TSPO2: variants seen among roughly 807,000 people sequenced by gnomAD.
The protein encoded by TSPO2 is benzodiazapine receptor (peripheral)-like 1.
In TSPO2, 15 loss-of-function variants were observed where a neutral mutation model predicts 13.3. That is an observed-to-expected ratio of 1.13 (90% confidence interval 0.75 to 1.73). The LOEUF (loss-of-function observed/expected upper bound fraction) is 1.73. Among genes scored for constraint, TSPO2 ranks in the 40% most tolerant of loss-of-function variants. The pLI is 0.00. For missense variants in TSPO2, 202 were observed against 198.3 expected (o/e 1.02, Z -0.11); for synonymous variants, 81 against 91.6 (o/e 0.88, Z 0.66).
upstream of TSPO2, chr6:41,042,443 G>C (rs1282032702): frequency 3.2e-6 from 1 of 315,506 alleles, no homozygotes; most frequent in Non-Finnish European, 6.3e-6. Context: ...GTGCCAGTCT[G>C]ATATGGTGAG....
At chr6:41,042,232 C>T (rs534126146), upstream of TSPO2, among the ~76,000 whole-genome samples, 20 of 152,282 alleles carry the variant, frequency 1.3e-4, no homozygotes, top group Admixed American at 2.0e-4. Flanking sequence ...GCAGTTGTTT[C>T]CTTGAAAAGT....
At position 41,043,234 on chromosome 6, in the gene TSPO2, C is replaced by G. The variant is rs1762618913; in HGVS notation, c.173+76C>G. The stretch of plus-strand genomic sequence containing the variant: ...AAGTCCTCTATATCTGAATTACTCC[C>G]ATATATTGGCCTCCAAAGGTAGGCG... On this transcript the variant is annotated intron_variant, in intron 2 of 3. Transcript: ENST00000373161. The G allele has an allele frequency of 2.7e-6, 4 of 1,503,082 alleles. No individual in the cohort carries two copies. In the South Asian group the frequency reaches 5.3e-5, roughly 20 times the overall value. 93.1% of individuals were successfully genotyped at this position (1,503,082 alleles called of 1,614,324 possible).
At chr6:41,041,570 C>T (rs1042358995), upstream of TSPO2, among the ~76,000 whole-genome samples, 2 of 151,990 alleles carry the variant, frequency 1.3e-5, no homozygotes, top group African/African-American at 4.8e-5. Context: ...AGAAGATGAG[C>T]AAACGGACAG....
upstream of TSPO2, among the ~76,000 whole-genome samples, chr6:41,042,271 C>T (rs368093721): frequency 7.6e-4 from 115 of 152,298 alleles, 5 homozygotes; most frequent in South Asian, 0.022. Context: ...GATGCTTGTG[C>T]TTACATCCTG....
upstream of TSPO2, among the ~76,000 whole-genome samples, chr6:41,041,492 G>A (rs554853396): frequency 1.7e-3 from 260 of 152,326 alleles, 2 homozygotes; most frequent in African/African-American, 5.5e-3. Context: ...GAGAAAAGAG[G>A]ATGGGGGCAG....
upstream of TSPO2, among the ~76,000 whole-genome samples, chr6:41,042,086 T>C (rs1762596113): frequency 6.6e-6 from 1 of 152,136 alleles, no homozygotes; most frequent in South Asian, 2.1e-4. Flanking sequence ...GGCTGAAATA[T>C]CATGAACAAA....
chr6:41,041,532 G>A (rs985386985), upstream of TSPO2, among the ~76,000 whole-genome samples: 1 of 152,172 alleles, frequency 6.6e-6, no homozygotes, highest in Non-Finnish European at 1.5e-5. Flanking sequence ...CTCCACCACT[G>A]GACAGAAATG....
chr6:41,043,848 C>CAG, intron 3 of TSPO2, 92 bp from the exon 4 acceptor site: 1 of 1,541,234 alleles, frequency 6.5e-7, no homozygotes, highest in Admixed American at 1.8e-5. Flanking sequence ...CACAGAGCCC[C>CAG]AGGGACTGAG....
In TSPO2 at chr6:41,042,607, C is replaced by A. The variant is rs778197233; in HGVS notation, c.-192C>A. 4.5e-6 allele frequency: 2 copies of A among 446,460 alleles called. No individual in the cohort carries two copies. Among genetic ancestry groups the A allele is most frequent in the Non-Finnish European group, 4.4e-6 (1 of 224,856 alleles). The allele number at this position is 446,460 out of a possible 1,614,324, so 27.7% of individuals were successfully genotyped here. The stretch of plus-strand genomic sequence containing the variant: ...AGGGCCAGCTACATACCTGGCTAAG[C>A]GCTGCCCACTGCAGAAAAGCTCATC... On this transcript the variant is annotated 5_prime_UTR_variant, in exon 1 of 4. Transcript: ENST00000373161.
In TSPO2 at chr6:41,044,169, AGGGT is replaced by A; in HGVS notation, c.*36_*39del. ...AGGGCATGGGAGAGGAGGGACGCCC[AGGGT>A]GGGGAGGAAGAGTCTGCAAGCAGGG... On this transcript the variant is annotated 3_prime_UTR_variant, in exon 4 of 4. Coordinates refer to ENST00000373161, the MANE Select transcript of TSPO2 (RefSeq NM_001010873.3). 2 of 1,610,698 alleles carry A rather than the reference AGGGT, an allele frequency of 1.2e-6. No homozygotes were observed. Among genetic ancestry groups the A allele is most frequent in the Non-Finnish European group, 1.7e-6 (2 of 1,177,454 alleles).
intron 2 of TSPO2, 72 bp from the exon 3 acceptor site, chr6:41,043,485 A>G: frequency 5.3e-6 from 8 of 1,516,828 alleles, no homozygotes; most frequent in Non-Finnish European, 7.1e-6. Flanking sequence ...AAGAGTCCTT[A>G]TGCCAGAGAG....
upstream of TSPO2, among the ~76,000 whole-genome samples, chr6:41,041,785 G>C (rs1762592255): frequency 6.6e-6 from 1 of 152,212 alleles, no homozygotes; most frequent in Non-Finnish European, 1.5e-5. Context: ...AGACCAGCCT[G>C]ACCAACATGG....
chr6:41,043,104 G>C lies in TSPO2; in HGVS notation c.119G>C (p.Cys40Ser). 1.2e-6 allele frequency: 2 copies of C among 1,614,134 alleles called. No homozygotes were observed. Among genetic ancestry groups the C allele is most frequent in the Non-Finnish European group, 1.7e-6 (2 of 1,180,012 alleles). Residue 40 changes from cysteine to serine, a missense_variant, in exon 2 of 4, where the codon TGC becomes TCC. Coordinates refer to ENST00000373161, the MANE Select transcript of TSPO2 (RefSeq NM_001010873.3). ...WCEGPRMLSW[C>S]PFYKVLLLVQ... is the part of the protein sequence containing the mutation. ...GAGGGCCCGAGGATGCTGTCCTGGT[G>C]CCCATTCTACAAAGTCTTATTGCTT...
rs140291735 is a variant in TSPO2, at chr6:41,042,997, A to T, written c.12A>T (p.Gln4His). ...CCTCTTCAAGGTGAATGCGGCTTCA[A>T]GGGGCTATCTTTGTGCTCCTGCCCC... MRL[Q>H]GAIFVLLPHL... The change falls in exon 2 of 4, where the codon CAA (glutamine) becomes CAT (histidine). Residue 4 changes from glutamine (Q) to histidine (H), a missense_variant. Gln to His is a conservative substitution (Grantham distance 24). Transcript: ENST00000373161. 1,139 of 1,613,876 alleles carry T rather than the reference A, an allele frequency of 7.1e-4. 1 individual carries two copies. The highest frequency in any genetic ancestry group is 8.7e-4 in the Non-Finnish European group (1,022 of 1,179,864).
In TSPO2 at chr6:41,044,167, C is replaced by A; in HGVS notation, c.*30C>A. 6.2e-7 allele frequency: 1 copy of A among 1,612,008 alleles called. No homozygotes were observed. The highest frequency in any genetic ancestry group is 1.1e-5 in the South Asian group (1 of 90,806). On this transcript the variant is annotated 3_prime_UTR_variant, in exon 4 of 4. Transcript: ENST00000373161. ...CTAGGGCATGGGAGAGGAGGGACGC[C>A]CAGGGTGGGGAGGAAGAGTCTGCAA... is the stretch of plus-strand genomic sequence containing the variant.
At chr6:41,043,829 C>T in intron 3 of TSPO2, 111 bp from the exon 4 acceptor site, 1 of 1,507,400 alleles carries the variant, frequency 6.6e-7, no homozygotes, top group Non-Finnish European at 9.1e-7. Flanking sequence ...TCTGCACTCC[C>T]ATGGTGTGCA....
intron 3 of TSPO2, 60 bp from the exon 4 acceptor site, chr6:41,043,880 G>A: frequency 2.5e-6 from 4 of 1,575,426 alleles, no homozygotes; most frequent in South Asian, 1.1e-5. Flanking sequence ...GCTGGGTACT[G>A]CAGAAAGGTG....
In TSPO2 at chr6:41,042,521, T is replaced by C; in HGVS notation, c.-278T>C. The C allele has an allele frequency of 2.9e-6, 1 of 348,090 alleles. No individual in the cohort carries two copies. The highest frequency in any genetic ancestry group is 5.7e-6 in the Non-Finnish European group (1 of 175,950). The allele number at this position is 348,090 out of a possible 1,614,324, so 21.6% of individuals were successfully genotyped here. A position where few individuals can be genotyped will look rare whatever the true frequency, so the allele number is the denominator to read the frequency against. On this transcript the variant is annotated 5_prime_UTR_variant, in exon 1 of 4. Transcript: ENST00000373161. Reference sequence around the variant, plus strand: ...AGAGTCCCCAGGAATTTCTGGCTCCTGCCTTCAGATTGTGAACTTTCCAGG... The same window carrying C: ...AGAGTCCCCAGGAATTTCTGGCTCCCGCCTTCAGATTGTGAACTTTCCAGG...
rs1762644610 is a variant in TSPO2, at chr6:41,044,333, C to CT, written c.*197dup. ...AAATAATAAAATCCTATTAGTAACT[C>CT]TGAAGGTATGATGTGAAGTGTGTAT... On this transcript the variant is annotated 3_prime_UTR_variant, in exon 4 of 4. Transcript: ENST00000373161. 2 of 602,496 alleles carry CT rather than the reference C, an allele frequency of 3.3e-6. No individual in the cohort carries two copies. Among genetic ancestry groups the CT allele is most frequent in the Admixed American group, 5.8e-5 (2 of 34,762 alleles). 37.3% of individuals were successfully genotyped at this position (602,496 alleles called of 1,614,324 possible). A position where few individuals can be genotyped will look rare whatever the true frequency, so the allele number is the denominator to read the frequency against.
Sources: allele counts gnomAD v4.1 joint callset (sites outside exome capture counted in the v4.1 genomes callset), GRCh38; gene constraint gnomAD v4.1.1; transcripts MANE v1.5; gene names NCBI Gene and HGNC (gene_info 2026-07-23, HGNC 2026-07-21).